AIDA: variants seen among roughly 807,000 people sequenced by gnomAD.
AIDA encodes axin interactor, dorsalization-associated protein.
AIDA carries 18 observed loss-of-function variants against 42.7 expected under a neutral mutation model. The observed-to-expected ratio is 0.42, with a 90% CI of 0.29 to 0.63. The LOEUF is 0.63. Among genes scored for constraint, AIDA ranks in the 20% least tolerant of loss-of-function variants. The pLI, the probability that AIDA is intolerant of heterozygous loss-of-function variation, is 0.19. For missense variants in AIDA, 250 were observed against 354.1 expected (o/e 0.71, Z 2.36); for synonymous variants, 104 against 122.9 (o/e 0.85, Z 1.02).
intron 4 of AIDA, among the ~76,000 whole-genome samples, chr1:222,689,548 T>C (rs1290461838): frequency 5.7e-5 from 5 of 88,158 alleles, no homozygotes; most frequent in East Asian, 2.6e-4. Flanking sequence ...CACATATATA[T>C]ACATATATAT....
At chr1:222,676,068 G>GAA in intron 7 of AIDA, 28 bp downstream of exon 7, 3 of 1,511,318 alleles carry the variant, frequency 2.0e-6, no homozygotes, top group South Asian at 1.3e-5. Context: ...ATTCACCTGA[G>GAA]AAAAAAAAAG....
At chr1:222,678,257 G>T (rs1664590221) in intron 6 of AIDA, among the ~76,000 whole-genome samples, 1 of 150,126 alleles carries the variant, frequency 6.7e-6, no homozygotes, top group South Asian at 2.1e-4. Context: ...CATGTCTTTT[G>T]CCCAATTTTC....
At chr1:222,700,123 G>T (rs1191274440) in intron 2 of AIDA, among the ~76,000 whole-genome samples, 1 of 152,128 alleles carries the variant, frequency 6.6e-6, no homozygotes, top group Non-Finnish European at 1.5e-5. Context: ...ACAGTGATTT[G>T]GGGTTCCTTA....
chr1:222,673,506 G>C, intron 7 of AIDA, 71 bp from the exon 8 acceptor site: 1 of 1,351,074 alleles, frequency 7.4e-7, no homozygotes. Flanking sequence ...GCCAGGCACG[G>C]TGGCTCACGC....
At chr1:222,679,835 GA>G (rs1399493309) in intron 6 of AIDA, among the ~76,000 whole-genome samples, 1 of 152,190 alleles carries the variant, frequency 6.6e-6, no homozygotes, top group Non-Finnish European at 1.5e-5. Flanking sequence ...TGTAATGTAA[GA>G]AACATATGCA....
chr1:222,688,242 T>C (rs1182219165), intron 4 of AIDA, among the ~76,000 whole-genome samples: 1 of 152,136 alleles, frequency 6.6e-6, no homozygotes, highest in Non-Finnish European at 1.5e-5. Context: ...TAGAGATACA[T>C]GAGTACATTT....
intron 1 of AIDA, among the ~76,000 whole-genome samples, chr1:222,703,512 G>A (rs1401276372): frequency 6.6e-6 from 1 of 152,156 alleles, no homozygotes; most frequent in Non-Finnish European, 1.5e-5. Context: ...TCTTTAGTAT[G>A]CATGACTTTC....
At chr1:222,686,780 T>G (rs1655202745) in intron 6 of AIDA, 150 bp downstream of exon 6, 1 of 891,876 alleles carries the variant, frequency 1.1e-6, no homozygotes, top group Non-Finnish European at 1.7e-6. Context: ...ACCATACTTA[T>G]GAAATAGCTA....
intron 8 of AIDA, among the ~76,000 whole-genome samples, chr1:222,671,345 A>T (rs181271754): frequency 1.3e-5 from 2 of 152,234 alleles, no homozygotes; most frequent in Non-Finnish European, 2.9e-5. Flanking sequence ...TGCCTCATCA[A>T]TGTGGCCAAC....
At chr1:222,686,110 G>A (rs975185377) in intron 6 of AIDA, among the ~76,000 whole-genome samples, 2 of 152,168 alleles carry the variant, frequency 1.3e-5, no homozygotes, top group Non-Finnish European at 2.9e-5. Context: ...GCAGTGAGCC[G>A]AGATGGTGCC....
intron 1 of AIDA, among the ~76,000 whole-genome samples, chr1:222,703,464 G>A (rs1230842736): frequency 6.6e-6 from 1 of 151,906 alleles, no homozygotes; most frequent in Non-Finnish European, 1.5e-5. Context: ...AGTAAAAACA[G>A]AGCTGGAAAG....
At chr1:222,689,124 T>C (rs985537727) in intron 4 of AIDA, among the ~76,000 whole-genome samples, 5 of 151,862 alleles carry the variant, frequency 3.3e-5, no homozygotes, top group African/African-American at 4.8e-5. Flanking sequence ...AAAACACTTA[T>C]AGAATAAGGA....
intron 6 of AIDA, among the ~76,000 whole-genome samples, chr1:222,685,308 CA>C (rs1335526394): frequency 1.3e-5 from 2 of 152,132 alleles, no homozygotes; most frequent in Non-Finnish European, 2.9e-5. Flanking sequence ...TAGGCACTAT[CA>C]TTATCCCATT....
intron 1 of AIDA, among the ~76,000 whole-genome samples, chr1:222,709,489 GA>G: frequency 6.6e-6 from 1 of 152,078 alleles, no homozygotes; most frequent in South Asian, 2.1e-4. Context: ...AAGTACCATG[GA>G]AAAAAATGAA....
intron 8 of AIDA, 142 bp from the exon 9 acceptor site, chr1:222,670,392 G>T (rs932193488): frequency 1.5e-6 from 1 of 671,052 alleles, no homozygotes; most frequent in Non-Finnish European, 2.6e-6. Flanking sequence ...TCAATGATTT[G>T]ACAGTAACTT....
chr1:222,702,191 C>T (rs74145539), intron 2 of AIDA, among the ~76,000 whole-genome samples: 4,390 of 152,102 alleles, frequency 0.029, 216 homozygotes, highest in African/African-American at 0.099. Context: ...TTCCCAAATT[C>T]CTATAAATAA....
intron 6 of AIDA, among the ~76,000 whole-genome samples, chr1:222,678,200 G>GGT (rs71732365): frequency 0.022 from 3,210 of 145,366 alleles, 46 homozygotes; most frequent in Admixed American, 0.058. Flanking sequence ...TATATCTTGG[G>GGT]GTGTGTGTGT....
chr1:222,671,434 C>A (rs1230626242), intron 8 of AIDA, among the ~76,000 whole-genome samples: 1 of 152,156 alleles, frequency 6.6e-6, no homozygotes, highest in Non-Finnish European at 1.5e-5. Flanking sequence ...CTAAATACTG[C>A]CTTAACCAGA....
At chr1:222,673,753 G>C (rs914538917) in intron 7 of AIDA, among the ~76,000 whole-genome samples, 7 of 150,520 alleles carry the variant, frequency 4.7e-5, no homozygotes, top group African/African-American at 1.7e-4. Context: ...ACTCCAGCCT[G>C]GGCAAAAGAG....
Sources: gnomAD v4.1 joint callset for allele counts (sites outside exome capture counted in the v4.1 genomes callset) on GRCh38, gnomAD v4.1.1 for gene constraint, MANE v1.5 for transcripts, NCBI Gene and HGNC (gene_info 2026-07-23, HGNC 2026-07-21) for gene names.